Variants in FTSJ3 observed in about 807,000 individuals in gnomAD.
FTSJ3 encodes pre-rRNA 2'-O-ribose RNA methyltransferase FTSJ3.
FTSJ3 carries 46 observed loss-of-function variants against 111.5 expected under a neutral mutation model. The ratio of observed to expected loss-of-function variants is 0.41; its 90% confidence interval spans 0.33 to 0.53. The LOEUF (loss-of-function observed/expected upper bound fraction) is 0.53. FTSJ3 is among the 20% of genes least tolerant of loss of function. FTSJ3 has a pLI of 0.19. For synonymous variants in FTSJ3, 408 were observed against 383.0 expected, an observed-to-expected ratio of 1.07 and a Z score of -0.76; for missense variants, 1,075 against 1,063.8, an observed-to-expected ratio of 1.01 and a Z score of -0.15.
chr17:63,825,186 A>C (rs1567753988), intron 7 of FTSJ3, 23 bp from the exon 8 acceptor site: 1 of 1,613,962 alleles, frequency 6.2e-7, no homozygotes, highest in Admixed American at 1.7e-5. Context: ...GGATATATTA[A>C]AAAGTGTGCT....
rs374446875 is a variant in FTSJ3, at chr17:63,824,312, C to T, written c.998+19G>A. The stretch of plus-strand genomic sequence containing the variant: ...CTGGACACCCAGTCCACACCTGCCT[C>T]GCTGCGTTCTCTCCTCACCTGATGT... On this transcript the variant is annotated intron_variant, in intron 11 of 20. Transcript: ENST00000427159. 1.4e-4 allele frequency: 222 copies of T among 1,614,170 alleles called. 2 individuals carry two copies. The South Asian group carries it at 1.6e-3, about 11-fold the overall frequency.
intron 4 of FTSJ3, 37 bp from the exon 5 acceptor site, chr17:63,826,172 C>T (rs1177786660): frequency 1.2e-6 from 2 of 1,612,000 alleles, no homozygotes; most frequent in East Asian, 2.2e-5. Context: ...TAAAAGGTTG[C>T]TTCAAGCAGG....
chr17:63,822,748 C>T (rs988977841), intron 13 of FTSJ3, among the ~76,000 whole-genome samples: 16 of 152,138 alleles, frequency 1.1e-4, no homozygotes. Flanking sequence ...CATGATGGCA[C>T]CACTGAACTC....
At position 63,827,529 on chromosome 17, in the gene FTSJ3, G is replaced by T; in HGVS notation, c.-504C>A. ...GACCAGAGCAGGTATGGCGGGTGCA[G>T]TGGCGGCCCGGCAGGTTACGGGGCT... On this transcript the variant is annotated 5_prime_UTR_variant, in exon 1 of 21. It adds an upstream start codon to the 5' untranslated region. Coordinates refer to ENST00000427159, the MANE Select transcript of FTSJ3 (RefSeq NM_017647.4). 6.4e-7 allele frequency: 1 copy of T among 1,551,464 alleles called. No individual in the cohort carries two copies. The highest frequency in any genetic ancestry group is 8.7e-7 in the Non-Finnish European group (1 of 1,146,914).
At position 63,821,551 on chromosome 17, in the gene FTSJ3, C is replaced by G. The variant is rs947869949; in HGVS notation, c.1689G>C (p.Gln563His). Residue 563 changes from glutamine to histidine, a missense_variant, in exon 16 of 21, where the codon CAG becomes CAC. By Grantham distance (24) the Gln-to-His change is conservative (BLOSUM62 0). Coordinates refer to ENST00000427159, the MANE Select transcript of FTSJ3 (RefSeq NM_017647.4). Reference protein sequence around the residue: ...LLFENRRKGRQQQQKQQLPQT... With the variant: ...LLFENRRKGRHQQQKQQLPQT... ...GTGGCAGCTGCTGCTTCTGCTGCTG[C>G]TGCCGTCCCTTCCGCCGGTTCTCAA... 21 of 1,614,006 alleles carry G rather than the reference C, an allele frequency of 1.3e-5. No homozygotes were observed. Among genetic ancestry groups the G allele is most frequent in the Non-Finnish European group, 1.8e-5 (21 of 1,180,042 alleles).
intron 13 of FTSJ3, among the ~76,000 whole-genome samples, chr17:63,822,932 A>G (rs917556925): frequency 3.3e-5 from 5 of 152,216 alleles, no homozygotes; most frequent in Admixed American, 2.6e-4. Context: ...CAGCAAGGAT[A>G]AGTGGTAGTC....
In FTSJ3 at chr17:63,819,588, C is replaced by CAGTTGAAA; in HGVS notation, c.*213_*214insTTTCAACT. ...AAGGGTCATGAGTGTCAACACAGTT[C>CAGTTGAAA]AGCAGTGTTTTCATGGGAGACCTTC... On this transcript the variant is annotated 3_prime_UTR_variant, in exon 21 of 21. Transcript: ENST00000427159. 1 of 566,272 alleles carries CAGTTGAAA rather than the reference C, an allele frequency of 1.8e-6. No homozygotes were observed. Among genetic ancestry groups the CAGTTGAAA allele is most frequent in the Non-Finnish European group, 3.1e-6 (1 of 318,916 alleles). 35.1% of individuals were successfully genotyped at this position (566,272 alleles called of 1,614,324 possible).
rs1598348922 is a variant in FTSJ3, at chr17:63,821,483, A to C, written c.1757T>G (p.Leu586Arg). Reference sequence around the variant, plus strand: ...TCCCTTAGGGGCTTCATCTTGGTACAGGGGAGACATTATCTCAGTCTTCAA... The same window carrying C: ...TCCCTTAGGGGCTTCATCTTGGTACCGGGGAGACATTATCTCAGTCTTCAA... ...SCLKTEIMSP[L>R]YQDEAPKGTE... The change falls in exon 16 of 21, where the codon CTG (leucine) becomes CGG (arginine). Residue 586 changes from leucine to arginine, a missense_variant. Coordinates refer to ENST00000427159, the MANE Select transcript of FTSJ3 (RefSeq NM_017647.4). 6.2e-7 allele frequency: 1 copy of C among 1,614,068 alleles called. No homozygotes were observed. Among genetic ancestry groups the C allele is most frequent in the South Asian group, 1.1e-5 (1 of 91,094 alleles).
At chr17:63,826,752 G>A (rs2040109475) in intron 2 of FTSJ3, 80 bp from the exon 3 acceptor site, 2 of 1,548,718 alleles carry the variant, frequency 1.3e-6, no homozygotes, top group East Asian at 2.2e-5. Flanking sequence ...CCTTCTGCAG[G>A]AGAGGTACAT....
At chr17:63,824,578 C>T in intron 10 of FTSJ3, 59 bp downstream of exon 10, 1 of 1,477,968 alleles carries the variant, frequency 6.8e-7, no homozygotes, top group East Asian at 2.3e-5. Context: ...AGAGGTCCAA[C>T]ATCATGGCCT....
chr17:63,826,352 C>T (rs920706538), intron 3 of FTSJ3, 48 bp from the exon 4 acceptor site: 14 of 1,558,148 alleles, frequency 9.0e-6, no homozygotes, highest in South Asian at 2.2e-5. Context: ...CCTTTTCCCC[C>T]TCTTGGCAAC....
rs537538880 is a variant in FTSJ3, at chr17:63,827,494, G to C, written c.-469C>G. On this transcript the variant is annotated 5_prime_UTR_variant, in exon 1 of 21. Transcript: ENST00000427159. ...CGGTCTCTGCTGAAGAGAGAAGATG[G>C]CGCTTGACGGACCAGAGCAGGTATG... is the stretch of plus-strand genomic sequence containing the variant. The C allele has an allele frequency of 1.3e-6, 2 of 1,551,768 alleles. No individual in the cohort carries two copies. Among genetic ancestry groups the C allele is most frequent in the East Asian group, 2.4e-5 (1 of 40,922 alleles).
intron 2 of FTSJ3, 81 bp downstream of exon 2, chr17:63,826,755 A>T (rs774766758): frequency 1.0e-4 from 160 of 1,544,124 alleles, no homozygotes; most frequent in Non-Finnish European, 1.3e-4. Flanking sequence ...TCTGCAGGAG[A>T]GGTACATAAT....
intron 13 of FTSJ3, among the ~76,000 whole-genome samples, chr17:63,823,054 T>C (rs1469076776): frequency 6.6e-6 from 1 of 152,170 alleles, no homozygotes; most frequent in Non-Finnish European, 1.5e-5. Context: ...AAAGATGACC[T>C]GATTATGACA....
intron 18 of FTSJ3, 37 bp from the exon 19 acceptor site, chr17:63,820,475 C>T: frequency 1.2e-6 from 2 of 1,600,218 alleles, no homozygotes; most frequent in South Asian, 2.2e-5. Context: ...ATCCAACATT[C>T]CAGGCTTTCT....
intron 5 of FTSJ3, 158 bp downstream of exon 5, chr17:63,825,898 C>T (rs2665835): frequency 0.35 from 237,268 of 672,766 alleles, 45,291 homozygotes; most frequent in South Asian, 0.55. Context: ...CTAAATAAAG[C>T]CTGGAGTGGA....
chr17:63,823,378 G>A (rs1423092414), intron 13 of FTSJ3, among the ~76,000 whole-genome samples: 1 of 152,128 alleles, frequency 6.6e-6, no homozygotes, highest in Non-Finnish European at 1.5e-5. Context: ...GGCAGATCAC[G>A]AGGTCAGGAG....
In FTSJ3 at chr17:63,825,529, C is replaced by G; in HGVS notation, c.400+7G>C. 1 of 1,613,686 alleles carries G rather than the reference C, an allele frequency of 6.2e-7. No homozygotes were observed. Among genetic ancestry groups the G allele is most frequent in the Middle Eastern group, 1.7e-4 (1 of 6,060 alleles). ...CACCTGATCTCCAAGCACCACACTC[C>G]CTGTACCTTGTGAGTAAGCATCATG... On this transcript the variant is annotated splice_region_variant and intron_variant, in intron 6 of 20. Transcript: ENST00000427159.
In FTSJ3 at chr17:63,824,981, G is replaced by A. The variant is rs542747326; in HGVS notation, c.712-52C>T. 4.5e-5 allele frequency: 71 copies of A among 1,580,694 alleles called. No individual in the cohort carries two copies. In the South Asian group the frequency reaches 7.6e-4, roughly 17 times the overall value. On this transcript the variant is annotated intron_variant, in intron 8 of 20. Coordinates refer to ENST00000427159, the MANE Select transcript of FTSJ3 (RefSeq NM_017647.4). ...GTCAGGCCCTTCTAAGGTACCTGTA[G>A]GACCCACCAGGCCCAACCTCCCTAG...
Sources: gnomAD v4.1 joint callset for allele counts (sites outside exome capture counted in the v4.1 genomes callset) on GRCh38, gnomAD v4.1.1 for gene constraint, MANE v1.5 for transcripts, NCBI Gene and HGNC (gene_info 2026-07-23, HGNC 2026-07-21) for gene names.